The following METTL15 variants were observed in gnomAD, a reference collection of about 807,000 sequenced individuals.
METTL15 encodes the protein 12S rRNA N(4)-cytidine methyltransferase METTL15.
In METTL15, 34 loss-of-function variants were observed where a neutral mutation model predicts 38.3. That is an observed-to-expected ratio of 0.89 (90% CI 0.68 to 1.18). The LOEUF (loss-of-function observed/expected upper bound fraction) is 1.18, where lower values mean the gene tolerates loss of function less well. Among genes scored for constraint, METTL15 ranks in the 50% most tolerant of loss-of-function variants. The pLI is 0.00. For missense variants in METTL15, 438 were observed against 498.4 expected (o/e 0.88, Z 1.15); for synonymous variants, 162 against 170.9 (o/e 0.95, Z 0.41).
chr11:28,516,539 T>C (rs762236897), intron 6 of METTL15, among the ~76,000 whole-genome samples: 4 of 152,210 alleles, frequency 2.6e-5, no homozygotes, highest in Non-Finnish European at 5.9e-5. Flanking sequence ...CATACTACTC[T>C]TTTTTTATTT....
At chr11:28,237,899 C>T (rs1031668841) in intron 4 of METTL15, among the ~76,000 whole-genome samples, 4 of 152,186 alleles carry the variant, frequency 2.6e-5, no homozygotes, top group South Asian at 2.1e-4. Context: ...GTATCAGCAG[C>T]GGTGGCTGCA....
At chr11:28,290,442 T>G (rs751089597) in intron 5 of METTL15, 45 bp downstream of exon 5, 1 of 1,540,890 alleles carries the variant, frequency 6.5e-7, no homozygotes, top group Non-Finnish European at 8.8e-7. Context: ...GAAATCAATT[T>G]GTCAAAAACA....
intron 6 of METTL15, among the ~76,000 whole-genome samples, chr11:28,504,093 G>A (rs905393662): frequency 4.0e-5 from 6 of 151,330 alleles, no homozygotes; most frequent in Middle Eastern, 3.4e-3. Context: ...AGCTACTTAG[G>A]AGGCTGAGGT....
chr11:28,225,601 A>T lies in METTL15; in HGVS notation c.407+14403A>T, dbSNP rs546474856. ...AATCTATTTCTCACTTGTTCTTTTC[A>T]CCCCCTGGCTGGATGCTTATTCGAT... On this transcript the variant is annotated intron_variant, in intron 4 of 6. Coordinates refer to ENST00000407364, the MANE Select transcript of METTL15 (RefSeq NM_001113528.2). Among the ~76,000 whole-genome samples, 10 of 149,092 alleles carry T rather than the reference A, an allele frequency of 6.7e-5. No homozygotes were observed. The South Asian group carries it at 1.9e-3, about 29-fold the overall frequency.
chr11:28,393,775 C>T (rs1273590146), intron 5 of METTL15, among the ~76,000 whole-genome samples: 1 of 152,078 alleles, frequency 6.6e-6, no homozygotes, highest in Non-Finnish European at 1.5e-5. Context: ...TGCCCTGGTT[C>T]ACTGTAGGAA....
intron 3 of METTL15, among the ~76,000 whole-genome samples, chr11:28,117,063 TGTGA>T (rs1406761557): frequency 6.6e-6 from 1 of 152,154 alleles, no homozygotes; most frequent in East Asian, 1.9e-4. Context: ...TCTTGTTGAA[TGTGA>T]GTGACTTCAT....
chr11:28,221,708 T>C lies in METTL15; in HGVS notation c.407+10510T>C, dbSNP rs148833328. ...TTTATCTACCTTTCGTCTTTGATGA[T>C]GGTGATGTACAGATGGGGTTTTGGT... is the stretch of plus-strand genomic sequence containing the variant. On this transcript the variant is annotated intron_variant, in intron 4 of 6. Coordinates refer to ENST00000407364, the MANE Select transcript of METTL15 (RefSeq NM_001113528.2). 3.8e-3 allele frequency among the ~76,000 whole-genome samples: 583 copies of C among 152,318 alleles called. 3 individuals are homozygous for C. Among genetic ancestry groups the C allele is most frequent in the Non-Finnish European group, 6.0e-3 (411 of 68,022 alleles).
chr11:28,291,361 T>C (rs1271422801), intron 5 of METTL15, among the ~76,000 whole-genome samples: 1 of 152,152 alleles, frequency 6.6e-6, no homozygotes, highest in African/African-American at 2.4e-5. Context: ...TTTCTTTATA[T>C]TAATTGTCTA....
chr11:28,360,950 T>C (rs1850132959), intron 4 of METTL15, among the ~76,000 whole-genome samples: 1 of 151,828 alleles, frequency 6.6e-6, no homozygotes, highest in Admixed American at 6.6e-5. Context: ...AGAATGATGA[T>C]TTCCAATTTC....
At chr11:28,120,974 C>T (rs528420822) in intron 3 of METTL15, among the ~76,000 whole-genome samples, 1 of 152,224 alleles carries the variant, frequency 6.6e-6, no homozygotes, top group South Asian at 2.1e-4. Flanking sequence ...ACAGTCACGT[C>T]AGGGTAAATG....
In METTL15 at chr11:28,300,278, G is replaced by T. The variant is rs572258084; in HGVS notation, c.778+3347G>T. Reference sequence around the variant, plus strand: ...TACTAAATATGTTCAAAACTATCAAGCACTCTAGGAAATATGCAGCACAGT... The same window carrying T: ...TACTAAATATGTTCAAAACTATCAATCACTCTAGGAAATATGCAGCACAGT... On this transcript the variant is annotated intron_variant, in intron 6 of 6. Coordinates refer to ENST00000407364, the MANE Select transcript of METTL15 (RefSeq NM_001113528.2). 1.8e-4 allele frequency among the ~76,000 whole-genome samples: 27 copies of T among 152,112 alleles called. 1 individual carries two copies. In the South Asian group the frequency reaches 5.6e-3, roughly 32 times the overall value.
intron 4 of METTL15, among the ~76,000 whole-genome samples, chr11:28,243,728 A>C (rs1279502984): frequency 3.2e-4 from 48 of 152,184 alleles, no homozygotes; most frequent in Admixed American, 3.1e-3. Context: ...TAACTATGCA[A>C]ATCCTAAAAT....
At position 28,274,439 on chromosome 11, in the gene METTL15, T is replaced by C. The variant is rs186618263; in HGVS notation, c.408-15767T>C. On this transcript the variant is annotated intron_variant, in intron 4 of 6. Transcript: ENST00000407364. Reference sequence around the variant, plus strand: ...TCCTTCTCTGGATGCATCATTTCAGTATTCTAGTACTTTTCAGCAGCATTG... The same window carrying C: ...TCCTTCTCTGGATGCATCATTTCAGCATTCTAGTACTTTTCAGCAGCATTG... Among the ~76,000 whole-genome samples, 137 of 152,098 alleles carry C rather than the reference T, an allele frequency of 9.0e-4. 1 individual carries two copies. Among genetic ancestry groups the C allele is most frequent in the African/African-American group, 3.3e-3 (136 of 41,556 alleles).
Position 28,377,614 on chromosome 11 carries a change from G to A in METTL15, c.*358+15578G>A, listed in dbSNP as rs374753284. On this transcript the variant is annotated intron_variant and NMD_transcript_variant, in intron 5 of 7. Transcript: ENST00000532947. ...TTGCCTTTGGTTTGAATGTCCTCCC[G>A]TAGCTCAGAGTAATTTGATCGTCTG... Among the ~76,000 whole-genome samples, 114 of 151,782 alleles carry A rather than the reference G, an allele frequency of 7.5e-4. No homozygotes were observed. In the East Asian group the frequency reaches 0.014, roughly 18 times the overall value.
At chr11:28,239,658 C>G (rs890895366) in intron 4 of METTL15, among the ~76,000 whole-genome samples, 1 of 152,216 alleles carries the variant, frequency 6.6e-6, no homozygotes, top group Non-Finnish European at 1.5e-5. Context: ...AGCTTCCCAG[C>G]TACCTTGCTG....
intron 5 of METTL15, among the ~76,000 whole-genome samples, chr11:28,294,148 A>T (rs1397875893): frequency 6.6e-6 from 1 of 152,184 alleles, no homozygotes; most frequent in African/African-American, 2.4e-5. Context: ...TTCAAAGGGA[A>T]TGCTTCCAGG....
chr11:28,281,331 G>A (rs1053226945), intron 4 of METTL15, among the ~76,000 whole-genome samples: 5 of 152,106 alleles, frequency 3.3e-5, no homozygotes, highest in African/African-American at 1.2e-4. Context: ...CCACCTGGAT[G>A]GGTCCTGAAC....
At chr11:28,483,388 T>TA (rs1357297686) in intron 6 of METTL15, among the ~76,000 whole-genome samples, 2 of 152,206 alleles carry the variant, frequency 1.3e-5, no homozygotes, top group Admixed American at 1.3e-4. Flanking sequence ...GGCCTCGACA[T>TA]TAAGACCAAT....
At chr11:28,278,604 A>G (rs1305075095) in intron 4 of METTL15, among the ~76,000 whole-genome samples, 3 of 152,058 alleles carry the variant, frequency 2.0e-5, no homozygotes, top group South Asian at 4.2e-4. Context: ...CATTTATTAA[A>G]CCTTTACTAA....
Sources: allele counts gnomAD v4.1 joint callset (sites outside exome capture counted in the v4.1 genomes callset), GRCh38; gene constraint gnomAD v4.1.1; transcripts MANE v1.5; gene names NCBI Gene and HGNC (gene_info 2026-07-23, HGNC 2026-07-21).